The following STAU2 variants were observed in gnomAD, a reference collection of about 807,000 sequenced individuals.
STAU2 encodes the protein double-stranded RNA-binding protein Staufen homolog 2.
A neutral mutation model predicts 65.9 loss-of-function variants in STAU2; 20 were observed. The observed-to-expected ratio is 0.30, with a 90% CI of 0.21 to 0.44. STAU2 has a LOEUF of 0.44. STAU2 is among the 20% of genes least tolerant of loss of function. The pLI, the probability that STAU2 is intolerant of heterozygous loss-of-function variation, is 1.00. For missense variants in STAU2, 558 were observed against 683.9 expected, an observed-to-expected ratio of 0.82 and a Z score of 2.05; for synonymous variants, 232 against 233.9, an observed-to-expected ratio of 0.99 and a Z score of 0.07.
intron 6 of STAU2, among the ~76,000 whole-genome samples, chr8:73,630,655 T>C (rs554956926): frequency 9.2e-5 from 14 of 152,186 alleles, no homozygotes; most frequent in Non-Finnish European, 1.9e-4. Flanking sequence ...CATGAGTTAG[T>C]GTAGCATAGC....
chr8:73,456,022 T>C (rs1166048611), intron 13 of STAU2, among the ~76,000 whole-genome samples: 1 of 152,188 alleles, frequency 6.6e-6, no homozygotes, highest in African/African-American at 2.4e-5. Context: ...TCTAGACCCA[T>C]GTCAGAAAGG....
rs377265838 is a variant in STAU2, at chr8:73,460,272, ATTG to A, written c.1531-37573_1531-37571del. ...TAGAAGAAAATGGGGGCAGGAGGGC[ATTG>A]TTGTTGTTTTGACTAAAGTGGTTTG... On this transcript the variant is annotated intron_variant, in intron 13 of 14. Coordinates refer to ENST00000524300, the MANE Select transcript of STAU2 (RefSeq NM_001164380.2). 1.9e-3 allele frequency among the ~76,000 whole-genome samples: 295 copies of A among 152,264 alleles called. 4 individuals are homozygous for A. Among genetic ancestry groups the A allele is most frequent in the African/African-American group, 6.5e-3 (271 of 41,572 alleles).
intron 6 of STAU2, among the ~76,000 whole-genome samples, chr8:73,621,864 G>A (rs901064846): frequency 2.0e-5 from 3 of 151,910 alleles, no homozygotes; most frequent in Admixed American, 2.0e-4. Context: ...ATCCCACAAT[G>A]TGGCCCATGT....
intron 4 of STAU2, among the ~76,000 whole-genome samples, chr8:73,707,941 C>T (rs1489145059): frequency 6.6e-6 from 1 of 152,136 alleles, no homozygotes; most frequent in African/African-American, 2.4e-5. Context: ...CAGAAAGACA[C>T]TACAACTTAG....
rs150541327 is a variant in STAU2, at chr8:73,713,926, A to T, written c.-17-4764T>A. The stretch of plus-strand genomic sequence containing the variant: ...GTTTCTTTCCTTTTTTTTTTGAGAC[A>T]GAGTTTCACTCTTGTTGCCCAGGCT... On this transcript the variant is annotated intron_variant, in intron 3 of 14. Transcript: ENST00000524300. Among the ~76,000 whole-genome samples, 736 of 151,806 alleles carry T rather than the reference A, an allele frequency of 4.8e-3. 3 individuals are homozygous for T. Among genetic ancestry groups the T allele is most frequent in the Non-Finnish European group, 8.1e-3 (551 of 67,904 alleles).
intron 12 of STAU2, among the ~76,000 whole-genome samples, chr8:73,579,595 T>C (rs1809837198): frequency 6.6e-6 from 1 of 152,232 alleles, no homozygotes. Flanking sequence ...AAGTTATTCA[T>C]TCATCTGTAA....
intron 13 of STAU2, among the ~76,000 whole-genome samples, chr8:73,526,901 T>C (rs1194963037): frequency 6.6e-6 from 1 of 152,196 alleles, no homozygotes; most frequent in Non-Finnish European, 1.5e-5. Context: ...GGAACTTTAT[T>C]TCAATAATAT....
chr8:73,579,295 T>G lies in STAU2; in HGVS notation c.1222+3475A>C, dbSNP rs549413463. Among the ~76,000 whole-genome samples, 126 of 152,310 alleles carry G rather than the reference T, an allele frequency of 8.3e-4. 1 individual carries two copies. Among genetic ancestry groups the G allele is most frequent in the African/African-American group, 2.9e-3 (120 of 41,582 alleles). On this transcript the variant is annotated intron_variant, in intron 12 of 14. Coordinates refer to ENST00000524300, the MANE Select transcript of STAU2 (RefSeq NM_001164380.2). ...GGGCTAAATAAAACTTTTTAAAAGG[T>G]TAACGGAAAAATATTTATGTGAAAA... is the stretch of plus-strand genomic sequence containing the variant.
intron 13 of STAU2, chr8:73,550,833 A>C: frequency 1.0e-6 from 1 of 987,574 alleles, no homozygotes; most frequent in South Asian, 4.7e-5. Context: ...AGTTTGAAAG[A>C]ATCAGAAGGG....
At chr8:73,694,259 T>C (rs56769843) in intron 4 of STAU2, among the ~76,000 whole-genome samples, 11,039 of 152,190 alleles carry the variant, frequency 0.073, 435 homozygotes, top group Middle Eastern at 0.14. Flanking sequence ...ATACTCCTTA[T>C]CAAAAACTGA....
chr8:73,690,571 TGTAA>T (rs375765490), intron 4 of STAU2, among the ~76,000 whole-genome samples: 77 of 152,316 alleles, frequency 5.1e-4, no homozygotes, highest in African/African-American at 1.8e-3. Flanking sequence ...AAGATAGATA[TGTAA>T]GTATTTAAGA....
intron 5 of STAU2, among the ~76,000 whole-genome samples, chr8:73,673,551 C>T (rs1037880322): frequency 1.3e-5 from 2 of 152,176 alleles, no homozygotes; most frequent in South Asian, 2.1e-4. Context: ...TTTTAAAGTA[C>T]TGCATTTCAT....
At chr8:73,610,194 G>A (rs759994612) in intron 9 of STAU2, among the ~76,000 whole-genome samples, 4 of 150,630 alleles carry the variant, frequency 2.7e-5, no homozygotes, top group African/African-American at 4.9e-5. Context: ...AGGATCACTC[G>A]AGACCAGAAA....
At chr8:73,682,893 C>T (rs1004171543) in intron 5 of STAU2, among the ~76,000 whole-genome samples, 2 of 152,054 alleles carry the variant, frequency 1.3e-5, no homozygotes, top group African/African-American at 4.8e-5. Flanking sequence ...TGGAAATATA[C>T]AACCCTTCTA....
At chr8:73,508,460 G>T (rs1047340019) in intron 13 of STAU2, among the ~76,000 whole-genome samples, 6 of 152,044 alleles carry the variant, frequency 3.9e-5, no homozygotes, top group African/African-American at 1.4e-4. Flanking sequence ...ATGATTTGTG[G>T]CACCCTAAAA....
intron 13 of STAU2, among the ~76,000 whole-genome samples, chr8:73,467,487 G>A (rs1156851765): frequency 2.6e-5 from 4 of 152,082 alleles, no homozygotes; most frequent in African/African-American, 7.2e-5. Context: ...AGCCGAGATC[G>A]CGCCACTGCA....
chr8:73,596,062 C>T (rs1014985265), intron 10 of STAU2, among the ~76,000 whole-genome samples: 2 of 150,858 alleles, frequency 1.3e-5, no homozygotes, highest in Non-Finnish European at 2.9e-5. Context: ...CAGTGAGCCA[C>T]GATTGCGCCA....
chr8:73,434,224 A>G lies in STAU2; in HGVS notation c.1531-11522T>C, dbSNP rs891259102. On this transcript the variant is annotated intron_variant, in intron 13 of 14. Coordinates refer to ENST00000524300, the MANE Select transcript of STAU2 (RefSeq NM_001164380.2). ...CTTTCAGCTTCTAGAGGCCACTCAC[A>G]TTCCTTGACTCAACACAAGGAATGT... is the stretch of plus-strand genomic sequence containing the variant. 4.3e-5 allele frequency among the ~76,000 whole-genome samples: 6 copies of G among 139,610 alleles called. No homozygotes were observed. In the Middle Eastern group the frequency reaches 0.01, roughly 241 times the overall value. The allele number at this position is 139,610 out of a possible 152,430, so 91.6% of individuals were successfully genotyped here.
intron 3 of STAU2, among the ~76,000 whole-genome samples, chr8:73,733,765 A>G (rs1258796746): frequency 6.6e-6 from 1 of 152,212 alleles, no homozygotes; most frequent in Non-Finnish European, 1.5e-5. Flanking sequence ...CTTTTGTCAG[A>G]CAGATAAGCA....
Sources: gnomAD v4.1 joint callset for allele counts (sites outside exome capture counted in the v4.1 genomes callset) on GRCh38, gnomAD v4.1.1 for gene constraint, MANE v1.5 for transcripts, NCBI Gene and HGNC (gene_info 2026-07-23, HGNC 2026-07-21) for gene names.